The following ZNF215 variants were observed in gnomAD, a reference collection of about 807,000 sequenced individuals.
ZNF215 encodes BWSCR2-associated zinc finger protein 2.
Under a neutral mutation model 27.2 loss-of-function variants are expected in ZNF215, and 24 were observed. That is an observed-to-expected ratio of 0.88 (90% confidence interval 0.64 to 1.24). The LOEUF is 1.24. Among genes scored for constraint, ZNF215 ranks in the 50% most tolerant of loss-of-function variants. ZNF215 has a pLI of 0.00. For synonymous variants in ZNF215, 210 were observed against 204.0 expected, an observed-to-expected ratio of 1.03 and a Z score of -0.25; for missense variants, 675 against 605.7, an observed-to-expected ratio of 1.11 and a Z score of -1.20.
chr11:6,984,517 GA>G (rs1851022967), exon 6 of ZNF215: 1 of 152,838 alleles, frequency 6.5e-6, no homozygotes, highest in Admixed American at 6.5e-5. Flanking sequence ...TATGCATGAA[GA>G]TACTTGTCAC....
At chr11:6,986,085 A>C (rs1851050418), downstream of ZNF215, among the ~76,000 whole-genome samples, 1 of 152,216 alleles carries the variant, frequency 6.6e-6, no homozygotes, top group South Asian at 2.1e-4. Flanking sequence ...CTAAGTAAAA[A>C]AGAACAAAGC....
At chr11:6,964,269 C>G (rs2133323933) in intron 5 of ZNF215, among the ~76,000 whole-genome samples, 1 of 151,956 alleles carries the variant, frequency 6.6e-6, no homozygotes, top group Non-Finnish European at 1.5e-5. Flanking sequence ...TAAACAGTGT[C>G]TTTCAAAAAA....
intron 6 of ZNF215, among the ~76,000 whole-genome samples, chr11:6,943,885 G>T (rs1322809139): frequency 1.3e-5 from 2 of 152,194 alleles, no homozygotes; most frequent in East Asian, 3.8e-4. Context: ...GAGCCTTTCT[G>T]CCAGTTTCCT....
chr11:6,943,165 A>G lies in ZNF215; in HGVS notation c.566A>G (p.Tyr189Cys), dbSNP rs775941776. ...GQLDSAVKNL[Y>C]RNVMLENFRN... is the part of the protein sequence containing the mutation. Reference sequence around the variant, plus strand: ...CTGGACTCTGCTGTAAAGAACCTGTACAGGAATGTGATGCTGGAAAACTTT... The same window carrying G: ...CTGGACTCTGCTGTAAAGAACCTGTGCAGGAATGTGATGCTGGAAAACTTT... Residue 189 changes from tyrosine (Y) to cysteine (C), a missense_variant, in exon 5 of 7, where the codon TAC (tyrosine) becomes TGC (cysteine). Coordinates refer to ENST00000278319, the MANE Select transcript of ZNF215 (RefSeq NM_013250.4). 3.1e-6 allele frequency: 5 copies of G among 1,614,064 alleles called. No homozygotes were observed. Among genetic ancestry groups the G allele is most frequent in the South Asian group, 1.1e-5 (1 of 91,036 alleles).
At chr11:6,941,319 T>C (rs1430866527) in intron 3 of ZNF215, among the ~76,000 whole-genome samples, 1 of 151,968 alleles carries the variant, frequency 6.6e-6, no homozygotes, top group Non-Finnish European at 1.5e-5. Flanking sequence ...TCTGAAAATA[T>C]TATTTTGTCC....
chr11:6,950,631 G>T (rs536272627), intron 6 of ZNF215, among the ~76,000 whole-genome samples: 45 of 150,840 alleles, frequency 3.0e-4, no homozygotes, highest in Admixed American at 1.2e-3. Flanking sequence ...GGAGATTTTG[G>T]GCTGAGACGA....
At chr11:6,933,083 A>G (rs955760839) in intron 3 of ZNF215, among the ~76,000 whole-genome samples, 2 of 152,226 alleles carry the variant, frequency 1.3e-5, no homozygotes, top group Non-Finnish European at 2.9e-5. Context: ...AATATTTGTT[A>G]TCTGCCCCTT....
At chr11:6,963,831 G>C (rs2248438) in intron 5 of ZNF215, among the ~76,000 whole-genome samples, 34,115 of 151,882 alleles carry the variant, frequency 0.22, 3,977 homozygotes, top group Non-Finnish European at 0.25. Context: ...TGGTGTACTA[G>C]AATAAGCTCA....
chr11:6,937,410 A>C (rs1849473864), intron 3 of ZNF215, among the ~76,000 whole-genome samples: 1 of 151,730 alleles, frequency 6.6e-6, no homozygotes, highest in Non-Finnish European at 1.5e-5. Flanking sequence ...GTATTGGAAA[A>C]CTTAATATCA....
At position 6,957,944 on chromosome 11, in the gene ZNF215, C is replaced by A; in HGVS notation, c.*1413C>A. On this transcript the variant is annotated 3_prime_UTR_variant, in exon 7 of 7. Coordinates refer to ENST00000278319, the MANE Select transcript of ZNF215 (RefSeq NM_013250.4). The stretch of plus-strand genomic sequence containing the variant: ...CAAAAAATTCACACTGGAGACATTC[C>A]CAATTAATGATGATGGTAGCTTTTT... 1 of 985,284 alleles carries A rather than the reference C, an allele frequency of 1.0e-6. No individual in the cohort carries two copies. The highest frequency in any genetic ancestry group is 1.2e-6 in the Non-Finnish European group (1 of 829,902). The allele number at this position is 985,284 out of a possible 1,614,324, so 61.0% of individuals were successfully genotyped here.
chr11:6,970,977 A>G (rs2172227), intron 5 of ZNF215, among the ~76,000 whole-genome samples: 150,401 of 152,270 alleles, frequency 0.99, 74,297 homozygotes, highest in Middle Eastern at 1. Context: ...GTAGAACAAT[A>G]ACCAGAGCAA....
chr11:6,964,256 T>C (rs946945952), intron 5 of ZNF215, among the ~76,000 whole-genome samples: 7 of 152,058 alleles, frequency 4.6e-5, no homozygotes, highest in African/African-American at 1.7e-4. Flanking sequence ...TGTCCTTTCA[T>C]TTTAAACAGT....
rs1418282795 is a variant in ZNF215, at chr11:6,957,149, T to G, written c.*618T>G. On this transcript the variant is annotated 3_prime_UTR_variant, in exon 7 of 7. Coordinates refer to ENST00000278319, the MANE Select transcript of ZNF215 (RefSeq NM_013250.4). Reference sequence around the variant, plus strand: ...AAGTATGTATTGCTGTTAATCTATATGTATTCTTAAAATCTGCATTTGTTT... The same window carrying G: ...AAGTATGTATTGCTGTTAATCTATAGGTATTCTTAAAATCTGCATTTGTTT... 2 of 985,460 alleles carry G rather than the reference T, an allele frequency of 2.0e-6. No individual in the cohort carries two copies. The highest frequency in any genetic ancestry group is 2.4e-6 in the Non-Finnish European group (2 of 829,938). The allele number at this position is 985,460 out of a possible 1,614,324, so 61.0% of individuals were successfully genotyped here. A position where few individuals can be genotyped will look rare whatever the true frequency, so the allele number is the denominator to read the frequency against.
chr11:6,983,374 C>T (rs894771422), intron 5 of ZNF215, among the ~76,000 whole-genome samples: 19 of 152,078 alleles, frequency 1.2e-4, no homozygotes, highest in African/African-American at 3.1e-4. Context: ...TTCCAATCAA[C>T]AGAAAAAGAG....
intron 3 of ZNF215, among the ~76,000 whole-genome samples, chr11:6,938,335 G>T (rs1411695627): frequency 2.0e-5 from 3 of 151,972 alleles, no homozygotes; most frequent in Non-Finnish European, 4.4e-5. Context: ...AACGAATAGG[G>T]TTAGCTAGGA....
chr11:6,936,874 A>G (rs1849454478), intron 3 of ZNF215, among the ~76,000 whole-genome samples: 2 of 151,768 alleles, frequency 1.3e-5, no homozygotes, highest in Non-Finnish European at 2.9e-5. Flanking sequence ...GACAAAATCC[A>G]ATGCCCTTTT....
At chr11:6,946,941 T>A (rs909724239) in intron 6 of ZNF215, among the ~76,000 whole-genome samples, 9 of 152,190 alleles carry the variant, frequency 5.9e-5, no homozygotes, top group African/African-American at 2.2e-4. Flanking sequence ...TTTATGTGGT[T>A]TATTGATTAA....
chr11:6,935,161 G>C (rs1255871269), intron 3 of ZNF215, among the ~76,000 whole-genome samples: 1 of 152,218 alleles, frequency 6.6e-6, no homozygotes, highest in African/African-American at 2.4e-5. Flanking sequence ...GCTGGAGAAT[G>C]ATATGCTTTG....
At chr11:6,940,756 T>C (rs1323163451) in intron 3 of ZNF215, among the ~76,000 whole-genome samples, 1 of 152,170 alleles carries the variant, frequency 6.6e-6, no homozygotes, top group East Asian at 1.9e-4. Context: ...GTTTTAAAAA[T>C]GGGGGTGGAG....
Sources: gnomAD v4.1 joint callset for allele counts (sites outside exome capture counted in the v4.1 genomes callset) on GRCh38, gnomAD v4.1.1 for gene constraint, MANE v1.5 for transcripts, NCBI Gene and HGNC (gene_info 2026-07-23, HGNC 2026-07-21) for gene names.